Variants in VWA8 observed in about 807,000 individuals in gnomAD.
VWA8 encodes von Willebrand factor A domain-containing protein 8.
In VWA8, 221 loss-of-function variants were observed where a neutral mutation model predicts 241.5. That is an observed-to-expected ratio of 0.91 (90% CI 0.82 to 1.02). VWA8 has a LOEUF of 1.02. VWA8 is among the 50% of genes least tolerant of loss of function. The probability of loss-of-function intolerance (pLI) is 0.00; values close to 1 mark genes in which losing one functional copy is unlikely to be tolerated. For missense variants in VWA8, 2,322 were observed against 2,328.7 expected, an observed-to-expected ratio of 1.00 and a Z score of 0.06; for synonymous variants, 852 against 827.1, an observed-to-expected ratio of 1.03 and a Z score of -0.52.
intron 2 of VWA8, among the ~76,000 whole-genome samples, chr13:41,913,499 G>T (rs1876109037): frequency 6.6e-6 from 1 of 152,148 alleles, no homozygotes; most frequent in African/African-American, 2.4e-5. Context: ...TGAGGTCACG[G>T]ATTAGTTCAA....
At chr13:41,815,042 C>G (rs1172175525) in intron 16 of VWA8, among the ~76,000 whole-genome samples, 1 of 152,014 alleles carries the variant, frequency 6.6e-6, no homozygotes, top group Non-Finnish European at 1.5e-5. Flanking sequence ...TCAGGAAGGC[C>G]TCACAGAAAA....
intron 21 of VWA8, among the ~76,000 whole-genome samples, chr13:41,757,581 C>T (rs1229861355): frequency 6.6e-6 from 1 of 151,644 alleles, no homozygotes; most frequent in African/African-American, 2.4e-5. Context: ...GTTTTCAATC[C>T]TTGCTCCCCT....
Position 41,575,832 on chromosome 13 carries a change from T to C in VWA8, c.5278A>G (p.Ile1760Val). Residue 1760 changes from isoleucine to valine, a missense_variant, in exon 43 of 45, where the codon ATC becomes GTC. Ile to Val is a conservative substitution (Grantham distance 29). Transcript: ENST00000379310. ...ENYEEKFQYD[I>V]VGHSGDGYNI... ...TAGCCATCTCCAGAGTGTCCAACGA[T>C]GTCATACTACATGCAAGAGAACCAG... 4 of 1,610,642 alleles carry C rather than the reference T, an allele frequency of 2.5e-6. No homozygotes were observed. The highest frequency in any genetic ancestry group is 3.4e-6 in the Non-Finnish European group (4 of 1,178,836).
chr13:41,583,043 A>T (rs1436722984), intron 42 of VWA8, among the ~76,000 whole-genome samples: 1 of 152,188 alleles, frequency 6.6e-6, no homozygotes, highest in African/African-American at 2.4e-5. Flanking sequence ...TTAGTATCTG[A>T]GAGGGATCCT....
intron 39 of VWA8, 114 bp downstream of exon 39, chr13:41,611,462 G>A (rs888097065): frequency 1.9e-5 from 27 of 1,390,734 alleles, no homozygotes; most frequent in East Asian, 1.2e-4. Context: ...TTTGAGGTCC[G>A]AGTTGCTGCA....
At chr13:41,780,091 C>G (rs1378751814) in intron 19 of VWA8, among the ~76,000 whole-genome samples, 1 of 152,144 alleles carries the variant, frequency 6.6e-6, no homozygotes, top group East Asian at 1.9e-4. Flanking sequence ...TACCTTCTTA[C>G]ATGCTTCCCC....
At chr13:41,574,631 A>G (rs2139634881) in intron 43 of VWA8, among the ~76,000 whole-genome samples, 1 of 152,324 alleles carries the variant, frequency 6.6e-6, no homozygotes, top group East Asian at 1.9e-4. Flanking sequence ...ACTAAGCAAA[A>G]GCAGCAAATC....
Position 41,881,388 on chromosome 13 carries a change from G to GCA in VWA8, c.1080+1998_1080+1999insTG, listed in dbSNP as rs1566492541. Reference sequence around the variant, plus strand: ...TTTTTTTGCCGGGGGGGGGGGGGGGGGGGTAAGGTCACAGATCAACAGGAT... The same window carrying GCA: ...TTTTTTTGCCGGGGGGGGGGGGGGGGCAGGGTAAGGTCACAGATCAACAGGAT... On this transcript the variant is annotated intron_variant, in intron 9 of 44. Coordinates refer to ENST00000379310, the MANE Select transcript of VWA8 (RefSeq NM_015058.2). Among the ~76,000 whole-genome samples, 2 of 42,878 alleles carry GCA rather than the reference G, an allele frequency of 4.7e-5. 1 individual carries two copies. Among genetic ancestry groups the GCA allele is most frequent in the African/African-American group, 1.9e-4 (2 of 10,804 alleles). 28.1% of individuals were successfully genotyped at this position (42,878 alleles called of 152,430 possible).
rs1593694225 is a variant in VWA8, at chr13:41,682,183, T to C, written c.4327+2864A>G. On this transcript the variant is annotated intron_variant, in intron 35 of 44. Transcript: ENST00000379310. Reference sequence around the variant, plus strand: ...GTAAAGGGATAGACACATAGACCAATGGAACACAATAGAGAATCCAGAAAT... The same window carrying C: ...GTAAAGGGATAGACACATAGACCAACGGAACACAATAGAGAATCCAGAAAT... Among the ~76,000 whole-genome samples, 3 of 152,104 alleles carry C rather than the reference T, an allele frequency of 2.0e-5. No individual in the cohort carries two copies. The South Asian group carries it at 6.2e-4, about 32-fold the overall frequency.
chr13:41,800,076 T>G (rs1869879385), intron 17 of VWA8, among the ~76,000 whole-genome samples: 1 of 152,194 alleles, frequency 6.6e-6, no homozygotes, highest in Non-Finnish European at 1.5e-5. Context: ...TCACTTAACA[T>G]ATTTTCAGGG....
chr13:41,870,508 A>C (rs1873541727), intron 9 of VWA8, among the ~76,000 whole-genome samples: 1 of 151,950 alleles, frequency 6.6e-6, no homozygotes, highest in East Asian at 1.9e-4. Context: ...GCGTGGTGGC[A>C]TGTGCCTGTA....
chr13:41,886,661 C>T (rs1874554031), intron 7 of VWA8, 120 bp downstream of exon 7: 2 of 842,152 alleles, frequency 2.4e-6, no homozygotes, highest in African/African-American at 1.8e-5. Flanking sequence ...CATCCTAATA[C>T]TGAAAAATTC....
chr13:41,811,720 T>G (rs1033360224), intron 16 of VWA8, among the ~76,000 whole-genome samples: 1 of 152,162 alleles, frequency 6.6e-6, no homozygotes, highest in Admixed American at 6.6e-5. Context: ...CGGAAATGTT[T>G]AAAGCTTTAA....
At chr13:41,603,061 C>T (rs1376244360) in intron 40 of VWA8, among the ~76,000 whole-genome samples, 1 of 152,058 alleles carries the variant, frequency 6.6e-6, no homozygotes. Context: ...TAAAAACTCC[C>T]CTGAAATAAT....
intron 42 of VWA8, among the ~76,000 whole-genome samples, chr13:41,576,995 C>T (rs1388729391): frequency 6.6e-6 from 1 of 152,256 alleles, no homozygotes; most frequent in Non-Finnish European, 1.5e-5. Flanking sequence ...CCTCTGCCCA[C>T]CCTCTGAGCA....
intron 21 of VWA8, among the ~76,000 whole-genome samples, chr13:41,750,601 G>A (rs2045648549): frequency 1.3e-5 from 2 of 152,124 alleles, no homozygotes; most frequent in Admixed American, 1.3e-4. Flanking sequence ...ATTTTCAAAT[G>A]TTCAAGACTT....
At chr13:41,887,070 T>C in intron 6 of VWA8, 127 bp downstream of exon 6, 1 of 1,162,060 alleles carries the variant, frequency 8.6e-7, no homozygotes, top group East Asian at 2.7e-5. Flanking sequence ...TTACTCTTTA[T>C]TCTCATATCT....
At chr13:41,758,398 G>T (rs1162926570) in intron 21 of VWA8, among the ~76,000 whole-genome samples, 1 of 25,020 alleles carries the variant, frequency 4.0e-5, no homozygotes, top group African/African-American at 1.0e-4. Context: ...ATATACGCTA[G>T]TATATATATA....
At chr13:41,689,127 C>G (rs529157602) in intron 34 of VWA8, among the ~76,000 whole-genome samples, 59 of 152,184 alleles carry the variant, frequency 3.9e-4, no homozygotes, top group African/African-American at 1.4e-3. Flanking sequence ...CTCATTTCCC[C>G]CTACTAAATT....
Sources: allele counts gnomAD v4.1 joint callset (sites outside exome capture counted in the v4.1 genomes callset), GRCh38; gene constraint gnomAD v4.1.1; transcripts MANE v1.5; gene names NCBI Gene and HGNC (gene_info 2026-07-23, HGNC 2026-07-21).